Variants in DIAPH2 observed in about 807,000 individuals in gnomAD.
The protein encoded by DIAPH2 is diaphanous related formin 2.
Under a neutral mutation model 92.7 loss-of-function variants are expected in DIAPH2, and 35 were observed. The observed-to-expected ratio is 0.38, with a 90% CI of 0.29 to 0.50. The LOEUF is 0.50. Among genes scored for constraint, DIAPH2 ranks in the 20% least tolerant of loss-of-function variants. The pLI, the probability that DIAPH2 is intolerant of heterozygous loss-of-function variation, is 0.94. For missense variants in DIAPH2, 701 were observed against 819.5 expected (o/e 0.86, Z 1.77); for synonymous variants, 301 against 280.4 (o/e 1.07, Z -0.73).
intron 22 of DIAPH2, among the ~76,000 whole-genome samples, chrX:97,218,329 A>G (rs1278118290): frequency 9.0e-6 from 1 of 111,451 alleles, no homozygotes; most frequent in African/African-American, 3.3e-5. Flanking sequence ...ACCTCAGGTG[A>G]TCTGCCTGCC....
intron 26 of DIAPH2, among the ~76,000 whole-genome samples, chrX:97,471,638 C>G (rs1164185618): frequency 1.1e-5 from 1 of 89,700 alleles, no homozygotes; most frequent in Non-Finnish European, 2.1e-5. Context: ...TGCAGTGAGC[C>G]AAGATCGCGC....
At chrX:97,079,350 G>A (rs899692871) in intron 19 of DIAPH2, among the ~76,000 whole-genome samples, 4 of 111,073 alleles carry the variant, frequency 3.6e-5, no homozygotes, top group African/African-American at 9.8e-5. Context: ...GATCATTGCA[G>A]TTTCAAGCAT....
rs1406174628 is a variant in DIAPH2 at position 97,300,947 on chromosome X, AAAAAAAAAAAAAAAAAAAG to A, written c.2845-47166_2845-47148del. Among the ~76,000 whole-genome samples, 60 of 64,005 alleles carry A rather than the reference AAAAAAAAAAAAAAAAAAAG, an allele frequency of 9.4e-4. 1 individual carries two copies. Among genetic ancestry groups the A allele is most frequent in the South Asian group, 6.6e-3 (7 of 1,057 alleles). 55.6% of individuals were successfully genotyped at this position (64,005 alleles called of 115,157 possible). A position where few individuals can be genotyped will look rare whatever the true frequency, so the allele number is the denominator to read the frequency against. On this transcript the variant is annotated intron_variant, in intron 23 of 26. Coordinates refer to ENST00000324765, the MANE Select transcript of DIAPH2 (RefSeq NM_006729.5). The stretch of plus-strand genomic sequence containing the variant: ...ACTCCGTCTTAAAAAAAAAAAAAAA[AAAAAAAAAAAAAAAAAAAG>A]AAGAAGAAGAATGTCTCCATAGTTA...
chrX:96,882,725 G>T (rs2065221942), intron 5 of DIAPH2, among the ~76,000 whole-genome samples: 1 of 109,973 alleles, frequency 9.1e-6, no homozygotes, highest in Non-Finnish European at 1.9e-5. Flanking sequence ...AGGGGGCTGA[G>T]GCAAGTGGAT....
chrX:96,870,103 T>C (rs904965657), intron 4 of DIAPH2, among the ~76,000 whole-genome samples: 1 of 111,316 alleles, frequency 9.0e-6, no homozygotes, highest in African/African-American at 3.3e-5. Flanking sequence ...CAGTTAGATA[T>C]AGTCTCAGAC....
At chrX:97,424,982 T>A (rs1254635421) in intron 25 of DIAPH2, among the ~76,000 whole-genome samples, 1 of 112,176 alleles carries the variant, frequency 8.9e-6, no homozygotes, top group Non-Finnish European at 1.9e-5. Flanking sequence ...TACAATATAA[T>A]AGCATTAAAG....
chrX:97,447,379 C>G (rs2147791158), intron 26 of DIAPH2, among the ~76,000 whole-genome samples: 1 of 110,842 alleles, frequency 9.0e-6, no homozygotes, highest in East Asian at 2.8e-4. Context: ...TAAGGTAGAT[C>G]TGAGTTCTTT....
At chrX:96,875,675 T>TC (rs958823802) in intron 4 of DIAPH2, among the ~76,000 whole-genome samples, 2 of 111,358 alleles carry the variant, frequency 1.8e-5, no homozygotes, top group African/African-American at 6.5e-5. Context: ...CTGATGACAG[T>TC]AATTTTCTGT....
intron 15 of DIAPH2, among the ~76,000 whole-genome samples, chrX:96,949,463 T>C (rs1190130361): frequency 9.1e-6 from 1 of 110,059 alleles, no homozygotes; most frequent in Non-Finnish European, 1.9e-5. Flanking sequence ...CTCCCATATA[T>C]ACTTAAAATT....
At chrX:96,787,527 A>G (rs2064465922) in intron 4 of DIAPH2, among the ~76,000 whole-genome samples, 1 of 110,660 alleles carries the variant, frequency 9.0e-6, no homozygotes, top group Non-Finnish European at 1.9e-5. Context: ...CTTCTTTTCA[A>G]TATAATGCCA....
intron 22 of DIAPH2, among the ~76,000 whole-genome samples, chrX:97,191,397 TA>T (rs2067652677): frequency 9.0e-6 from 1 of 110,769 alleles, no homozygotes; most frequent in Non-Finnish European, 1.9e-5. Flanking sequence ...AGTGTAGAAA[TA>T]AAAAATTACA....
intron 24 of DIAPH2, among the ~76,000 whole-genome samples, chrX:97,373,603 C>CTTTT (rs769067046): frequency 2.1e-4 from 15 of 71,575 alleles, no homozygotes; most frequent in Non-Finnish European, 3.2e-4. Context: ...AAGGGAGATA[C>CTTTT]TTTTTTTTTT....
chrX:97,367,304 A>T (rs2069389903), intron 24 of DIAPH2, among the ~76,000 whole-genome samples: 1 of 111,782 alleles, frequency 8.9e-6, no homozygotes. Flanking sequence ...CTAGGTCATG[A>T]TCAAGGATAT....
intron 19 of DIAPH2, among the ~76,000 whole-genome samples, chrX:97,081,026 T>A (rs1054456440): frequency 3.6e-5 from 4 of 112,307 alleles, no homozygotes; most frequent in Admixed American, 1.9e-4. Context: ...GCATTAGTAT[T>A]GTAGAATTTG....
chrX:97,191,171 A>C (rs149566375), intron 22 of DIAPH2, among the ~76,000 whole-genome samples: 279 of 109,646 alleles, frequency 2.5e-3, no homozygotes, highest in African/African-American at 8.8e-3. Flanking sequence ...GTTACTAAAA[A>C]TACAAAATTA....
intron 17 of DIAPH2, among the ~76,000 whole-genome samples, chrX:96,992,270 C>T (rs773543577): frequency 1.8e-5 from 2 of 111,525 alleles, no homozygotes; most frequent in East Asian, 5.6e-4. Context: ...AATATTTTGA[C>T]TGGTTAGTTG....
chrX:97,528,521 A>G (rs2071038407), intron 26 of DIAPH2: 1 of 111,733 alleles, frequency 8.9e-6, no homozygotes, highest in African/African-American at 3.3e-5. Flanking sequence ...ATGACAAGAA[A>G]GAGAGAGGGA....
intron 15 of DIAPH2, among the ~76,000 whole-genome samples, chrX:96,951,352 A>T (rs1346682469): frequency 2.7e-5 from 3 of 111,816 alleles, no homozygotes; most frequent in Non-Finnish European, 5.6e-5. Flanking sequence ...CCGAACTTTC[A>T]TATCACTTTT....
intron 26 of DIAPH2, chrX:97,453,855 T>C (rs1177397266): frequency 9.0e-6 from 1 of 111,506 alleles, no homozygotes; most frequent in Non-Finnish European, 1.9e-5. Context: ...TTTATATCTG[T>C]GTAGGTGTGT....
Sources: gnomAD v4.1 joint callset for allele counts (sites outside exome capture counted in the v4.1 genomes callset) on GRCh38, gnomAD v4.1.1 for gene constraint, MANE v1.5 for transcripts, NCBI Gene and HGNC (gene_info 2026-07-23, HGNC 2026-07-21) for gene names.